BMS1: variants seen among roughly 807,000 people sequenced by gnomAD.
BMS1 encodes the protein ribosome biogenesis protein BMS1 homolog.
A neutral mutation model predicts 138.7 loss-of-function variants in BMS1; 53 were observed. That is an observed-to-expected ratio of 0.38 (90% CI 0.31 to 0.48). The LOEUF (loss-of-function observed/expected upper bound fraction) is 0.48, where lower values mean the gene tolerates loss of function less well. Among genes scored for constraint, BMS1 ranks in the 20% least tolerant of loss-of-function variants. BMS1 has a pLI of 0.97. For missense variants in BMS1, 1,360 were observed against 1,565.5 expected (o/e 0.87, Z 2.22); for synonymous variants, 504 against 539.9 (o/e 0.93, Z 0.92).
At chr10:42,821,542 CTTTTTTTTTTTTTT>C (rs34272995) in intron 18 of BMS1, among the ~76,000 whole-genome samples, 2 of 68,594 alleles carry the variant, frequency 2.9e-5, no homozygotes, top group African/African-American at 1.2e-4. Context: ...CTCAAGGCGC[CTTTTTTTTTTTTTT>C]TTTTTTTTTT....
In BMS1 at chr10:42,833,230, TAAA is replaced by T. The variant is rs906295916; in HGVS notation, c.*2137_*2139del. The T allele has an allele frequency of 2.0e-5, 3 of 152,174 alleles. No homozygotes were observed. Among genetic ancestry groups the T allele is most frequent in the African/African-American group, 7.2e-5 (3 of 41,446 alleles). The allele number at this position is 152,174 out of a possible 1,614,324, so 9.4% of individuals were successfully genotyped here. ...TATCATATTTGGAGAACAAGGGAAA[TAAA>T]AAGTTTGCATATTAAGATTATTTAA... On this transcript the variant is annotated 3_prime_UTR_variant, in exon 23 of 23. Transcript: ENST00000374518.
At chr10:42,823,332 C>G (rs918808202) in intron 20 of BMS1, 67 bp downstream of exon 20, 9 of 1,484,514 alleles carry the variant, frequency 6.1e-6, no homozygotes, top group African/African-American at 4.2e-5. Flanking sequence ...GCCAGTGTGA[C>G]GAGAGGCTGG....
intron 3 of BMS1, 102 bp downstream of exon 3, chr10:42,785,774 C>A: frequency 1.5e-6 from 2 of 1,302,508 alleles, no homozygotes; most frequent in South Asian, 1.4e-5. Flanking sequence ...TAAATATTGT[C>A]ATATCATGGG....
chr10:42,791,932 G>C lies in BMS1; in HGVS notation c.779+163G>C, dbSNP rs972609170. On this transcript the variant is annotated intron_variant, in intron 6 of 22. Transcript: ENST00000374518. ...ACTTATATCATTGCTCAAAGATGCC[G>C]TGCCTTTGGGAGTAAATTAATTATG... 3.3e-5 allele frequency among the ~76,000 whole-genome samples: 5 copies of C among 152,272 alleles called. No homozygotes were observed. The South Asian group carries it at 1.0e-3, about 32-fold the overall frequency.
rs148644910 is a variant in BMS1, at chr10:42,796,700, C to T, written c.1456C>T (p.Arg486Trp). The change falls in exon 10 of 23, where the codon CGG becomes TGG. Residue 486 changes from arginine (R) to tryptophan (W), a missense_variant. This residue lies in a region of BMS1 where 697 missense variants were observed against 686.2 expected (regional missense o/e 1.02). Coordinates refer to ENST00000374518, the MANE Select transcript of BMS1 (RefSeq NM_014753.4). The part of the protein sequence containing the change: ...QYMAVKGIKR[R>W]KLELEEDSEM... ...TATGGCTGTTAAGGGCATCAAACGA[C>T]GGAAACTTGAGTTGGAAGAAGACAG... is the stretch of plus-strand genomic sequence containing the variant. 41 of 1,614,054 alleles carry T rather than the reference C, an allele frequency of 2.5e-5. No individual in the cohort carries two copies. The South Asian group carries it at 2.9e-4, about 11-fold the overall frequency.
chr10:42,786,668 C>T lies in BMS1; in HGVS notation c.368-500C>T, dbSNP rs1175295774. Among the ~76,000 whole-genome samples the T allele has an allele frequency of 1.3e-4, 20 of 151,938 alleles. No individual in the cohort carries two copies. The East Asian group carries it at 1.7e-3, about 13-fold the overall frequency. ...TCAAAACTCCTGGGCTCAAGGGATC[C>T]GCCTGCCTTGGCCTCCCAAGTTGCT... On this transcript the variant is annotated intron_variant, in intron 3 of 22. Transcript: ENST00000374518.
chr10:42,811,700 A>G (rs1425176406), intron 13 of BMS1, among the ~76,000 whole-genome samples: 1 of 148,196 alleles, frequency 6.7e-6, no homozygotes, highest in African/African-American at 2.5e-5. Flanking sequence ...AATTTTTTGT[A>G]TTTTTAGTAG....
rs1370712378 is a variant in BMS1 at position 42,820,678 on chromosome 10, A to T, written c.2940A>T (p.Ala980=). 29 of 1,611,718 alleles carry T rather than the reference A, an allele frequency of 1.8e-5. No individual in the cohort carries two copies. The East Asian group carries it at 5.1e-4, about 28-fold the overall frequency. The change falls in exon 17 of 23, where the codon GCA becomes GCT. Residue 980 remains alanine (A), a synonymous_variant. Transcript: ENST00000374518. ...KYTPQHMHCG[A]AFWGPITPQG... Reference sequence around the variant, plus strand: ...CCCCACAGCACATGCATTGCGGAGCAGCCTTTTGGGGTAAAATATGATTAC... The same window carrying T: ...CCCCACAGCACATGCATTGCGGAGCTGCCTTTTGGGGTAAAATATGATTAC...
chr10:42,784,567 A>G lies in BMS1; in HGVS notation c.173A>G (p.His58Arg), dbSNP rs1384969363. 7.5e-6 allele frequency: 12 copies of G among 1,610,000 alleles called. No individual in the cohort carries two copies. Among genetic ancestry groups the G allele is most frequent in the African/African-American group, 1.3e-5 (1 of 74,656 alleles). Reference protein sequence around the residue: ...QSAVRMARSFHRTQDLKTKKH... With the variant: ...QSAVRMARSFRRTQDLKTKKH... The stretch of plus-strand genomic sequence containing the variant: ...GCTGTGCGGATGGCTCGATCCTTTC[A>G]CAGGTATGTTAGGCTACGGTCTGGT... Residue 58 changes from histidine to arginine, a missense_variant, in exon 2 of 23, where the codon CAC becomes CGC. His to Arg is a conservative substitution (Grantham distance 29). Around this residue, in one of 3 missense-constraint regions of BMS1, gnomAD observed 238 missense variants for 311.1 expected, o/e 0.77. Transcript: ENST00000374518.
rs7898007 is a variant in BMS1 at position 42,793,157 on chromosome 10, C to T, written c.1089+13C>T. On this transcript the variant is annotated intron_variant, in intron 8 of 22. Transcript: ENST00000374518. ...CCACGTTTTTCAGGTATCGGTGAGA[C>T]GGGAGTCATTTCTCTGAACTTTCAG... is the stretch of plus-strand genomic sequence containing the variant. 8,254 of 1,578,102 alleles carry T rather than the reference C, an allele frequency of 5.2e-3. 397 individuals carry two copies. The African/African-American group carries it at 0.099, about 19-fold the overall frequency.
chr10:42,795,116 G>A (rs1244778459), intron 9 of BMS1, among the ~76,000 whole-genome samples: 1 of 146,818 alleles, frequency 6.8e-6, no homozygotes. Context: ...TGGCTGCATA[G>A]TATTCCATGG....
chr10:42,791,514 T>C, intron 5 of BMS1, 113 bp from the exon 6 acceptor site: 3 of 1,111,946 alleles, frequency 2.7e-6, no homozygotes, highest in Non-Finnish European at 3.7e-6. Context: ...GGACAGTGGC[T>C]TTGCTGGAAG....
intron 21 of BMS1, among the ~76,000 whole-genome samples, chr10:42,828,990 A>G (rs1476292559): frequency 4.6e-5 from 7 of 152,232 alleles, no homozygotes; most frequent in Non-Finnish European, 1.0e-4. Flanking sequence ...AACAAAGAAT[A>G]TGGAATATTA....
rs113889332 is a variant in BMS1, at chr10:42,821,814, A to G, written c.3010-248A>G. Among the ~76,000 whole-genome samples, 523 of 152,244 alleles carry G rather than the reference A, an allele frequency of 3.4e-3. 2 individuals are homozygous for G. The highest frequency in any genetic ancestry group is 0.012 in the African/African-American group (498 of 41,532). The stretch of plus-strand genomic sequence containing the variant: ...GTGATCCACCCGCCTTGGCCTCCCA[A>G]AGTGCTGGGATTACAGGTATGAGCC... On this transcript the variant is annotated intron_variant, in intron 18 of 22. Transcript: ENST00000374518.
rs1445650593 is a variant in BMS1, at chr10:42,785,543, C to A, written c.238C>A (p.Pro80Thr). 1 of 1,613,698 alleles carries A rather than the reference C, an allele frequency of 6.2e-7. No individual in the cohort carries two copies. Among genetic ancestry groups the A allele is most frequent in the African/African-American group, 1.3e-5 (1 of 74,870 alleles). ...IPVVDRTPLE[P>T]PPIVVVVMGP... ...AGTGGTTGATCGAACTCCACTAGAG[C>A]CCCCACCAATAGTGGTAGTGGTGAT... The change falls in exon 3 of 23, where the codon CCC becomes ACC. Residue 80 changes from proline to threonine, a missense_variant. Physicochemically the swap from Pro to Thr is conservative, Grantham distance 38. This residue lies in a region of BMS1 where 238 missense variants were observed against 311.1 expected (regional missense o/e 0.77). Transcript: ENST00000374518.
intron 13 of BMS1, among the ~76,000 whole-genome samples, chr10:42,815,167 A>G (rs1484567927): frequency 1.3e-5 from 2 of 152,168 alleles, no homozygotes; most frequent in Non-Finnish European, 2.9e-5. Context: ...GAATTGGCGT[A>G]TTTTTGATGT....
intron 18 of BMS1, 126 bp downstream of exon 18, chr10:42,821,118 T>C (rs1842492910): frequency 2.4e-6 from 2 of 830,468 alleles, no homozygotes; most frequent in South Asian, 3.3e-5. Context: ...TAAATTTCCC[T>C]TTGCTTTTAA....
At chr10:42,789,454 A>G (rs1841436304) in intron 4 of BMS1, among the ~76,000 whole-genome samples, 2 of 152,234 alleles carry the variant, frequency 1.3e-5, no homozygotes, top group Admixed American at 6.5e-5. Context: ...AAGAACAGAA[A>G]TGTTTTTAAT....
intron 21 of BMS1, among the ~76,000 whole-genome samples, chr10:42,824,973 T>C (rs1295098059): frequency 2.0e-5 from 3 of 152,172 alleles, no homozygotes; most frequent in Non-Finnish European, 4.4e-5. Flanking sequence ...TTGGGGTTTT[T>C]TGTGGTTCCA....
Sources: allele counts gnomAD v4.1 joint callset (sites outside exome capture counted in the v4.1 genomes callset), GRCh38; gene constraint gnomAD v4.1.1; regional missense constraint gnomAD v4.1.1; transcripts MANE v1.5; gene names NCBI Gene and HGNC (gene_info 2026-07-23, HGNC 2026-07-21).